The following BANP variants were observed in gnomAD, a reference collection of about 807,000 sequenced individuals.
BANP encodes the protein BTG3 associated nuclear protein.
Under a neutral mutation model 68.1 loss-of-function variants are expected in BANP, and 11 were observed. The observed-to-expected ratio is 0.16, with a 90% CI of 0.10 to 0.27. BANP has a LOEUF of 0.27. BANP is among the 10% of genes least tolerant of loss of function. BANP has a pLI of 1.00. For missense variants in BANP, 504 were observed against 722.7 expected (o/e 0.70, Z 3.47); for synonymous variants, 329 against 303.2 (o/e 1.09, Z -0.88).
chr16:87,990,478 C>T (rs1257009943), intron 4 of BANP, among the ~76,000 whole-genome samples: 2 of 152,144 alleles, frequency 1.3e-5, no homozygotes, highest in African/African-American at 4.8e-5. Context: ...TCTGTTCTGG[C>T]ACGGGAGCAC....
At chr16:87,981,187 A>G (rs539792858) in intron 3 of BANP, 60 bp downstream of exon 3, 9 of 1,239,656 alleles carry the variant, frequency 7.3e-6, no homozygotes, top group Non-Finnish European at 1.1e-5. Flanking sequence ...GGGCTGCTAT[A>G]ACAAATCACC....
At chr16:87,988,341 G>A (rs2064994079) in intron 4 of BANP, among the ~76,000 whole-genome samples, 1 of 152,126 alleles carries the variant, frequency 6.6e-6, no homozygotes, top group African/African-American at 2.4e-5. Context: ...TTGGCTCACT[G>A]CAACCTCTGC....
rs374940673 is a variant in BANP at position 88,035,312 on chromosome 16, T to C, written c.1201-11T>C. 9 of 1,603,380 alleles carry C rather than the reference T, an allele frequency of 5.6e-6. No individual in the cohort carries two copies. The African/African-American group carries it at 1.1e-4, about 19-fold the overall frequency. ...TCTTCTGATGCTTCTTGGTGTCTTT[T>C]CTTGCTGCGGATCCCACAGGGACAC... is the stretch of plus-strand genomic sequence containing the variant. On this transcript the variant is annotated splice_polypyrimidine_tract_variant and intron_variant, in intron 9 of 13. Coordinates refer to ENST00000682872, the MANE Select transcript of BANP (RefSeq NM_001386991.1).
chr16:87,971,271 G>C (rs1034362175), intron 1 of BANP, among the ~76,000 whole-genome samples: 2 of 119,832 alleles, frequency 1.7e-5, no homozygotes, highest in Admixed American at 1.6e-4. Flanking sequence ...CATCTCCTCT[G>C]TCTCAGTCCT....
rs866285603 is a variant in BANP at position 87,999,399 on chromosome 16, G to T, written c.363-4896G>T. ...CTCCATGCACGCACGTGCGCGGCTG[G>T]ACTTACCTGTCCTTCCAGACACCCA... On this transcript the variant is annotated intron_variant, in intron 4 of 13. Coordinates refer to ENST00000682872, the MANE Select transcript of BANP (RefSeq NM_001386991.1). Among the ~76,000 whole-genome samples the T allele has an allele frequency of 9.4e-3, 774 of 82,326 alleles. 9 individuals carry two copies. Among genetic ancestry groups the T allele is most frequent in the African/African-American group, 0.03 (582 of 19,618 alleles). The allele number at this position is 82,326 out of a possible 152,430, so 54.0% of individuals were successfully genotyped here. A position where few individuals can be genotyped will look rare whatever the true frequency, so the allele number is the denominator to read the frequency against.
At chr16:88,005,740 T>C (rs2070844740) in intron 5 of BANP, among the ~76,000 whole-genome samples, 1 of 152,242 alleles carries the variant, frequency 6.6e-6, no homozygotes, top group African/African-American at 2.4e-5. Flanking sequence ...TCATTTAGTC[T>C]TCCCTTTAAC....
chr16:87,997,535 G>A (rs887342304), intron 4 of BANP, among the ~76,000 whole-genome samples: 1 of 152,134 alleles, frequency 6.6e-6, no homozygotes, highest in African/African-American at 2.4e-5. Context: ...TCCTGGTAAA[G>A]TGGGTGAAAT....
chr16:88,059,622 G>A (rs902837306), intron 11 of BANP, among the ~76,000 whole-genome samples: 5 of 152,164 alleles, frequency 3.3e-5, no homozygotes, highest in African/African-American at 1.2e-4. Context: ...CGTTCCTGCA[G>A]GCATGTGCTG....
chr16:87,981,933 A>T (rs991841995), intron 3 of BANP, among the ~76,000 whole-genome samples: 5 of 152,236 alleles, frequency 3.3e-5, no homozygotes, highest in African/African-American at 1.2e-4. Context: ...GGCACATGTG[A>T]GAAGGTTATG....
rs1738063781 is a variant in BANP at position 88,027,582 on chromosome 16, G to A, written c.995G>A (p.Arg332Gln). The part of the protein sequence containing the change: ...KCRTAWRRKQ[R>Q]GQSLAVKSFS... ...CGCACGGCGTGGCGGCGCAAGCAGC[G>A]GGGCCAGAGCCTGGCGGTCAAGAGC... is the stretch of plus-strand genomic sequence containing the variant. Residue 332 changes from arginine to glutamine, a missense_variant, in exon 8 of 14, where the codon CGG becomes CAG. By Grantham distance (43) the Arg-to-Gln change is conservative. Coordinates refer to ENST00000682872, the MANE Select transcript of BANP (RefSeq NM_001386991.1). 2 of 1,613,802 alleles carry A rather than the reference G, an allele frequency of 1.2e-6. No individual in the cohort carries two copies. The highest frequency in any genetic ancestry group is 1.7e-6 in the Non-Finnish European group (2 of 1,179,868).
intron 4 of BANP, among the ~76,000 whole-genome samples, chr16:87,999,348 G>A (rs1474375377): frequency 6.8e-6 from 1 of 147,996 alleles, no homozygotes; most frequent in Non-Finnish European, 1.5e-5. Flanking sequence ...ATGCGCGGCT[G>A]TACTTACCTG....
intron 3 of BANP, among the ~76,000 whole-genome samples, chr16:87,982,463 C>T (rs1057056187): frequency 2.0e-5 from 3 of 152,266 alleles, no homozygotes; most frequent in Middle Eastern, 3.4e-3. Flanking sequence ...TTGAAAATAG[C>T]GGCGTTATCA....
Position 88,036,283 on chromosome 16 carries a change from C to G in BANP, c.1272+889C>G, listed in dbSNP as rs1003635124. ...AGTGTGTCGCTGCAAAGATCTCAGG[C>G]TTCCCCACACACACCAGCAGCAGAG... On this transcript the variant is annotated intron_variant, in intron 10 of 13. Transcript: ENST00000682872. The surrounding 1 kb of genome is among the most constrained non-coding windows in gnomAD (Gnocchi z 4.2). Among the ~76,000 whole-genome samples the G allele has an allele frequency of 2.0e-5, 3 of 152,234 alleles. No homozygotes were observed. Among genetic ancestry groups the G allele is most frequent in the African/African-American group, 7.2e-5 (3 of 41,468 alleles).
chr16:88,022,427 C>G (rs115459858), intron 7 of BANP, among the ~76,000 whole-genome samples: 3,122 of 152,292 alleles, frequency 0.021, 89 homozygotes, highest in African/African-American at 0.067. Context: ...TTCATTTGCA[C>G]AAGGTAAAAA....
chr16:88,076,554 T>C lies in BANP; in HGVS notation c.1522-36T>C, dbSNP rs139782953. The C allele has an allele frequency of 4.6e-3, 7,338 of 1,599,582 alleles. 28 individuals are homozygous for C. The highest frequency in any genetic ancestry group is 7.6e-3 in the Middle Eastern group (46 of 6,024). On this transcript the variant is annotated intron_variant, in intron 13 of 13. Transcript: ENST00000682872. ...CCCCCTGGCCATGCAGTGCTGGGTA[T>C]TTTTCTAGAAAGTCCCTCCTTTCTC... is the stretch of plus-strand genomic sequence containing the variant.
At chr16:88,058,923 C>T (rs184986414) in intron 11 of BANP, among the ~76,000 whole-genome samples, 142 of 152,278 alleles carry the variant, frequency 9.3e-4, no homozygotes, top group African/African-American at 3.2e-3. Flanking sequence ...TGGCCCCTGC[C>T]GGCTTTTCCT....
chr16:87,975,097 G>C lies in BANP; in HGVS notation c.-19G>C. 1 of 1,589,464 alleles carries C rather than the reference G, an allele frequency of 6.3e-7. No homozygotes were observed. Among genetic ancestry groups the C allele is most frequent in the South Asian group, 1.1e-5 (1 of 90,814 alleles). On this transcript the variant is annotated 5_prime_UTR_variant, in exon 2 of 14. Coordinates refer to ENST00000682872, the MANE Select transcript of BANP (RefSeq NM_001386991.1). ...GAGTTGAACTCTTTCGTGTTGACCG[G>C]CCACTCTCCGTGCTCTGGATGATGT...
chr16:88,042,642 T>C (rs1240132527), intron 11 of BANP, among the ~76,000 whole-genome samples: 4 of 152,160 alleles, frequency 2.6e-5, no homozygotes, highest in Non-Finnish European at 5.9e-5. Flanking sequence ...AAAAATGTTT[T>C]GTGCTGGCTC....
rs768638321 is a variant in BANP at position 88,052,399 on chromosome 16, G to C, written c.1312-12868G>C. 2.0e-5 allele frequency among the ~76,000 whole-genome samples: 3 copies of C among 151,294 alleles called. No individual in the cohort carries two copies. The South Asian group carries it at 6.2e-4, about 31-fold the overall frequency. On this transcript the variant is annotated intron_variant, in intron 11 of 13. Coordinates refer to ENST00000682872, the MANE Select transcript of BANP (RefSeq NM_001386991.1). Reference sequence around the variant, plus strand: ...CTGAAGAGAAATGAGATTAAATTTGGTGACTAGGTTGAGTGCTATTCTCAT... The same window carrying C: ...CTGAAGAGAAATGAGATTAAATTTGCTGACTAGGTTGAGTGCTATTCTCAT...
Sources: allele counts gnomAD v4.1 joint callset (sites outside exome capture counted in the v4.1 genomes callset), GRCh38; gene constraint gnomAD v4.1.1; non-coding constraint Gnocchi (gnomAD v3.1); transcripts MANE v1.5; gene names NCBI Gene and HGNC (gene_info 2026-07-23, HGNC 2026-07-21).